PAXBP1: variants seen among roughly 807,000 people sequenced by gnomAD.
PAXBP1 encodes PAX3 and PAX7 binding protein 1, also known as PAX3- and PAX7-binding protein 1.
A neutral mutation model predicts 119.9 loss-of-function variants in PAXBP1; 44 were observed. That is an observed-to-expected ratio of 0.37 (90% CI 0.29 to 0.47). PAXBP1 has a LOEUF of 0.47. Among genes scored for constraint, PAXBP1 ranks in the 20% least tolerant of loss-of-function variants. PAXBP1 has a pLI of 0.99. For missense variants in PAXBP1, 898 were observed against 1,134.1 expected, an observed-to-expected ratio of 0.79 and a Z score of 2.99; for synonymous variants, 393 against 406.6, an observed-to-expected ratio of 0.97 and a Z score of 0.40.
At chr21:32,766,050 G>A (rs779227478) in intron 2 of PAXBP1, among the ~76,000 whole-genome samples, 10 of 152,120 alleles carry the variant, frequency 6.6e-5, no homozygotes, top group Admixed American at 3.9e-4. Flanking sequence ...CAGGAGAATC[G>A]CTTGAACCCA....
At chr21:32,768,500 C>A (rs779778113) in intron 2 of PAXBP1, among the ~76,000 whole-genome samples, 24 of 152,210 alleles carry the variant, frequency 1.6e-4, no homozygotes, top group Non-Finnish European at 2.5e-4. Flanking sequence ...CTTTCCACTT[C>A]TCCCCCTAAA....
rs112471797 is a variant in PAXBP1, at chr21:32,765,714, CT to C, written c.473-1191del. Among the ~76,000 whole-genome samples, 488 of 146,614 alleles carry C rather than the reference CT, an allele frequency of 3.3e-3. 3 individuals are homozygous for C. Among genetic ancestry groups the C allele is most frequent in the East Asian group, 0.01 (52 of 5,068 alleles). ...TCTTTTAGGCTCTTTCATTTTTTTT[CT>C]TTTTTTTTTTCATTTACCATTTTCT... On this transcript the variant is annotated intron_variant, in intron 2 of 17. Transcript: ENST00000331923.
chr21:32,735,513 C>T (rs762650544), intron 17 of PAXBP1, among the ~76,000 whole-genome samples: 1 of 152,246 alleles, frequency 6.6e-6, no homozygotes, highest in Non-Finnish European at 1.5e-5. Flanking sequence ...ATAATTTCCA[C>T]TCCACCAAAA....
intron 8 of PAXBP1, among the ~76,000 whole-genome samples, chr21:32,754,126 T>C (rs1030720741): frequency 2.6e-5 from 4 of 152,228 alleles, no homozygotes; most frequent in Admixed American, 2.6e-4. Context: ...CATCTGTTTA[T>C]GCCTCTCCAA....
chr21:32,758,758 T>C (rs2044086044), intron 7 of PAXBP1, among the ~76,000 whole-genome samples: 1 of 152,074 alleles, frequency 6.6e-6, no homozygotes, highest in Non-Finnish European at 1.5e-5. Context: ...AAAGAAAATT[T>C]TATCAGATGA....
intron 4 of PAXBP1, 110 bp from the exon 5 acceptor site, chr21:32,761,272 A>T: frequency 1.2e-6 from 1 of 809,390 alleles, no homozygotes; most frequent in Non-Finnish European, 2.1e-6. Flanking sequence ...ACTCAATCTT[A>T]CTAAAATGTC....
chr21:32,742,462 T>G (rs191972353), intron 15 of PAXBP1: 1 of 152,374 alleles, frequency 6.6e-6, no homozygotes, highest in Non-Finnish European at 1.5e-5. Flanking sequence ...TCGAATGATC[T>G]AAATATCACT....
chr21:32,751,020 T>C lies in PAXBP1; in HGVS notation c.1620A>G (p.Arg540=), dbSNP rs748946532. 6.2e-7 allele frequency: 1 copy of C among 1,614,136 alleles called. No individual in the cohort carries two copies. The highest frequency in any genetic ancestry group is 8.5e-7 in the Non-Finnish European group (1 of 1,180,010). The change falls in exon 10 of 18, where the codon AGA becomes AGG. Residue 540 remains arginine (R), a synonymous_variant. Transcript: ENST00000331923. ...TCTTACCGGTTTGTTCTCTGGCTTG[T>C]CTACGACGAGTCCTAAATAATAAAC... ...AEREARRTRR[R]QAREQTGKMA...
chr21:32,745,782 A>G, intron 11 of PAXBP1, 64 bp from the exon 12 acceptor site: 1 of 1,583,384 alleles, frequency 6.3e-7, no homozygotes, highest in Non-Finnish European at 8.6e-7. Context: ...TCCAGCTATG[A>G]TAAGAGAAAC....
Position 32,769,926 on chromosome 21 carries a change from G to A in PAXBP1, c.360C>T (p.Phe120=). ...TGCTATAACTTGATTTCTTCACTTTGAAAACTTCTTCATTTTCTTAAAAAG... is the reference window on the plus strand; with the variant it reads ...TGCTATAACTTGATTTCTTCACTTTAAAAACTTCTTCATTTTCTTAAAAAG... ...QDEEEENEEV[F]KVKKSSYSKK... Residue 120 remains phenylalanine (F), a synonymous_variant, in exon 2 of 18, where the codon TTC becomes TTT. Coordinates refer to ENST00000331923, the MANE Select transcript of PAXBP1 (RefSeq NM_016631.4). 1 of 1,543,598 alleles carries A rather than the reference G, an allele frequency of 6.5e-7. No homozygotes were observed. Among genetic ancestry groups the A allele is most frequent in the Non-Finnish European group, 8.8e-7 (1 of 1,138,024 alleles).
At chr21:32,762,560 G>A (rs574585299) in intron 3 of PAXBP1, among the ~76,000 whole-genome samples, 1 of 150,980 alleles carries the variant, frequency 6.6e-6, no homozygotes, top group Non-Finnish European at 1.5e-5. Context: ...AGAGTGGGAC[G>A]GGGTAAAAAG....
chr21:32,745,815 T>G, intron 11 of PAXBP1, 97 bp from the exon 12 acceptor site: 1 of 1,474,698 alleles, frequency 6.8e-7, no homozygotes, highest in Admixed American at 1.9e-5. Flanking sequence ...TAACCTTTGG[T>G]TGCAAACAAC....
At chr21:32,743,575 C>A in intron 14 of PAXBP1, 103 bp downstream of exon 14, 1 of 883,828 alleles carries the variant, frequency 1.1e-6, no homozygotes, top group South Asian at 1.5e-5. Flanking sequence ...TAATACACTA[C>A]ATGGGTGAAG....
rs1025774418 is a variant in PAXBP1 at position 32,744,784 on chromosome 21, TA to T, written c.2190+7del. The T allele has an allele frequency of 6.4e-7, 1 of 1,555,536 alleles. No individual in the cohort carries two copies. Among genetic ancestry groups the T allele is most frequent in the African/African-American group, 1.4e-5 (1 of 71,320 alleles). On this transcript the variant is annotated splice_region_variant and intron_variant, in intron 13 of 17. Coordinates refer to ENST00000331923, the MANE Select transcript of PAXBP1 (RefSeq NM_016631.4). ...AAAAAAAAAAGGCTTCAAAAGATAC[TA>T]AATTACCTGTGTATTTTTATTTTCT... is the stretch of plus-strand genomic sequence containing the variant.
chr21:32,764,376 A>G lies in PAXBP1; in HGVS notation c.621T>C (p.Ala207=). 2.5e-6 allele frequency: 4 copies of G among 1,613,848 alleles called. No individual in the cohort carries two copies. The highest frequency in any genetic ancestry group is 3.4e-6 in the Non-Finnish European group (4 of 1,179,872). The change falls in exon 3 of 18, where the codon GCT becomes GCC. Residue 207 remains alanine (A), a synonymous_variant. Transcript: ENST00000331923. ...KPKTGGAFSN[A]LSSLNVLRPG... ...GACGAAGAACATTCAATGAAGATAA[A>G]GCATTTGAAAAAGCTCCACCAGTCT...
chr21:32,771,732 C>A lies in PAXBP1; in HGVS notation c.-64G>T, dbSNP rs1273989013. 8 of 1,282,096 alleles carry A rather than the reference C, an allele frequency of 6.2e-6. No individual in the cohort carries two copies. The highest frequency in any genetic ancestry group is 2.1e-4 in the Middle Eastern group (1 of 4,870). The allele number at this position is 1,282,096 out of a possible 1,614,324, so 79.4% of individuals were successfully genotyped here. A position where few individuals can be genotyped will look rare whatever the true frequency, so the allele number is the denominator to read the frequency against. On this transcript the variant is annotated 5_prime_UTR_variant, in exon 1 of 18. Transcript: ENST00000331923. The stretch of plus-strand genomic sequence containing the variant: ...ACCGCGGCCCCGGCAGCGCCGAGCT[C>A]GTGACGGCGCACGCGCGCTCTCCGG...
chr21:32,739,440 T>C (rs1283406051), intron 15 of PAXBP1, among the ~76,000 whole-genome samples: 5 of 152,148 alleles, frequency 3.3e-5, no homozygotes, highest in Non-Finnish European at 7.3e-5. Context: ...CAAGATAATC[T>C]ATGTAAAAGG....
At chr21:32,748,997 C>T (rs535057639) in intron 10 of PAXBP1, among the ~76,000 whole-genome samples, 4 of 152,208 alleles carry the variant, frequency 2.6e-5, no homozygotes, top group East Asian at 1.9e-4. Flanking sequence ...TCAGTTACTA[C>T]GGTGTATTAG....
chr21:32,745,651 C>T lies in PAXBP1; in HGVS notation c.1991G>A (p.Arg664Gln), dbSNP rs374952442. The change falls in exon 12 of 18, where the codon CGA becomes CAA. Residue 664 changes from arginine to glutamine, a missense_variant. Arg to Gln is a conservative substitution (Grantham distance 43). Around this residue, in one of 2 missense-constraint regions of PAXBP1, gnomAD observed 599 missense variants for 852.7 expected, o/e 0.70. Coordinates refer to ENST00000331923, the MANE Select transcript of PAXBP1 (RefSeq NM_016631.4). ...ESLLFYGCEE[R>Q]EQEKDDVDVA... ...ATCTACATCATCTTTTTCTTGCTCT[C>T]GTTCTTCACAACCATAAAACAGCAA... 6 of 1,613,878 alleles carry T rather than the reference C, an allele frequency of 3.7e-6. No homozygotes were observed. The highest frequency in any genetic ancestry group is 1.7e-5 in the Admixed American group (1 of 59,990).
Sources: gnomAD v4.1 joint callset for allele counts (sites outside exome capture counted in the v4.1 genomes callset) on GRCh38, gnomAD v4.1.1 for gene constraint, gnomAD v4.1.1 regional missense constraint, MANE v1.5 for transcripts, NCBI Gene and HGNC (gene_info 2026-07-23, HGNC 2026-07-21) for gene names.